The following FHL2 variants were observed in gnomAD, a reference collection of about 807,000 sequenced individuals.
FHL2 encodes the protein four and a half LIM domains 2, also known as four and a half LIM domains protein 2.
FHL2 carries 20 observed loss-of-function variants against 32.7 expected under a neutral mutation model. The observed-to-expected ratio is 0.61, with a 90% CI of 0.43 to 0.89. FHL2 has a LOEUF of 0.89. Among genes scored for constraint, FHL2 ranks in the 40% least tolerant of loss-of-function variants. The probability of loss-of-function intolerance (pLI) is 0.00; values close to 1 mark genes in which losing one functional copy is unlikely to be tolerated. For synonymous variants in FHL2, 123 were observed against 128.1 expected (o/e 0.96, Z 0.27); for missense variants, 311 against 358.6 (o/e 0.87, Z 1.07).
intron 2 of FHL2, among the ~76,000 whole-genome samples, chr2:105,392,812 CTTTTTTTTTTT>C (rs34774107): frequency 3.0e-5 from 2 of 65,970 alleles, no homozygotes; most frequent in African/African-American, 1.2e-4. Context: ...TGCCAGGAAG[CTTTTTTTTTTT>C]TTTTTTTTTT....
chr2:105,399,678 C>A (rs1002288959), upstream of FHL2: 10 of 1,451,056 alleles, frequency 6.9e-6, no homozygotes, highest in Admixed American at 2.4e-5. Flanking sequence ...GAGCTGGGAG[C>A]GTGCCTCCCA....
intron 5 of FHL2, among the ~76,000 whole-genome samples, chr2:105,367,090 A>G (rs1196386701): frequency 1.3e-5 from 2 of 152,206 alleles, no homozygotes; most frequent in Admixed American, 6.5e-5. Context: ...GATACATTTA[A>G]TAAATGATCT....
downstream of FHL2, chr2:105,359,004 T>C (rs1302828868): frequency 3.3e-5 from 5 of 152,228 alleles, no homozygotes; most frequent in African/African-American, 1.2e-4. Flanking sequence ...GGCCTGCCAT[T>C]GGATAAAAGG....
chr2:105,419,030 G>T (rs1354489914), intron 1 of FHL2, among the ~76,000 whole-genome samples: 2 of 152,114 alleles, frequency 1.3e-5, no homozygotes, highest in African/African-American at 4.8e-5. Context: ...AGACTGGTGT[G>T]TAATATTTGT....
chr2:105,365,295 T>A (rs1229450707), intron 5 of FHL2, among the ~76,000 whole-genome samples: 1 of 152,110 alleles, frequency 6.6e-6, no homozygotes, highest in Non-Finnish European at 1.5e-5. Flanking sequence ...CAGTTAAGTG[T>A]CTGCATCTTG....
downstream of FHL2, chr2:105,359,117 A>T (rs1680123775): frequency 6.6e-6 from 1 of 152,220 alleles, no homozygotes; most frequent in Non-Finnish European, 1.5e-5. Context: ...TTAACAATTA[A>T]ATAAATATTT....
chr2:105,385,985 T>G (rs1682279665), intron 3 of FHL2: 1 of 375,158 alleles, frequency 2.7e-6, no homozygotes, highest in Non-Finnish European at 4.7e-6. Context: ...AAATATTGAC[T>G]GAGCACAGCA....
chr2:105,409,855 C>G (rs1372359664), intron 1 of FHL2, among the ~76,000 whole-genome samples: 1 of 152,224 alleles, frequency 6.6e-6, no homozygotes, highest in African/African-American at 2.4e-5. Flanking sequence ...ACAGTTCATG[C>G]CTGGGAAACT....
chr2:105,395,783 C>A (rs1395279531), intron 2 of FHL2, among the ~76,000 whole-genome samples: 9 of 152,232 alleles, frequency 5.9e-5, no homozygotes, highest in Admixed American at 5.9e-4. Context: ...CTGCTTCTGC[C>A]ACAGACATCC....
upstream of FHL2, among the ~76,000 whole-genome samples, chr2:105,402,378 C>G (rs958426993): frequency 6.6e-6 from 1 of 151,962 alleles, no homozygotes; most frequent in Non-Finnish European, 1.5e-5. Context: ...TCCTGAGTAG[C>G]TGGGACTACA....
chr2:105,429,632 C>T (rs1294716509), intron 1 of FHL2, among the ~76,000 whole-genome samples: 4 of 152,164 alleles, frequency 2.6e-5, no homozygotes, highest in African/African-American at 9.7e-5. Context: ...CTAGTGAGAC[C>T]TGTTTCAGAC....
chr2:105,359,570 A>T (rs1442989899), downstream of FHL2: 5 of 152,224 alleles, frequency 3.3e-5, no homozygotes, highest in Non-Finnish European at 5.9e-5. Context: ...AAGGTCACTG[A>T]TGCTCCCATT....
chr2:105,375,786 G>A (rs1681432674), intron 3 of FHL2: 1 of 152,258 alleles, frequency 6.6e-6, no homozygotes, highest in Non-Finnish European at 1.5e-5. Context: ...AAATGCCCAA[G>A]CCCTCTTCAT....
At chr2:105,399,259 G>T (rs1181764791), upstream of FHL2, 30 of 1,535,630 alleles carry the variant, frequency 2.0e-5, no homozygotes, top group East Asian at 5.9e-4. Context: ...GTGCCCTCCG[G>T]GTCTTGGGAG....
upstream of FHL2, chr2:105,399,344 G>A (rs1468930794): frequency 4.6e-6 from 7 of 1,535,812 alleles, no homozygotes; most frequent in Non-Finnish European, 6.1e-6. Flanking sequence ...TGGGCGCGGT[G>A]GCAGGGGTCT....
At chr2:105,438,058 C>T (rs891590313) in intron 1 of FHL2, among the ~76,000 whole-genome samples, 3 of 152,090 alleles carry the variant, frequency 2.0e-5, no homozygotes, top group East Asian at 1.9e-4. Context: ...AAATGTTTTC[C>T]GTTGTTCAAA....
At position 105,363,779 on chromosome 2, in the gene FHL2, A is replaced by C. The variant is rs1390913054; in HGVS notation, c.502-308T>G. On this transcript the variant is annotated intron_variant, in intron 5 of 6. Coordinates refer to ENST00000530340, the MANE Select transcript of FHL2 (RefSeq NM_001318895.3). ...GGTGTTGCCACCTTTCTGAGCAGGG[A>C]AGCAGCACAGTGGAGGGGTCGGGAT... Among the ~76,000 whole-genome samples the C allele has an allele frequency of 2.0e-5, 3 of 152,258 alleles. No homozygotes were observed. In the East Asian group the frequency reaches 5.8e-4, roughly 29 times the overall value.
At chr2:105,388,637 A>G (rs1682494059) in intron 2 of FHL2, among the ~76,000 whole-genome samples, 1 of 151,406 alleles carries the variant, frequency 6.6e-6, no homozygotes. Context: ...AGTCTGGCCA[A>G]CATGGTGAAA....
At chr2:105,357,974 C>T (rs566052040), downstream of FHL2, 2 of 152,306 alleles carry the variant, frequency 1.3e-5, no homozygotes, top group South Asian at 4.1e-4. Flanking sequence ...TGTTTCACAT[C>T]TGATTGCTCC....
Sources: allele counts gnomAD v4.1 joint callset (sites outside exome capture counted in the v4.1 genomes callset), GRCh38; gene constraint gnomAD v4.1.1; transcripts MANE v1.5; gene names NCBI Gene and HGNC (gene_info 2026-07-23, HGNC 2026-07-21).